The following DCTN2 variants were observed in gnomAD, a reference collection of about 807,000 sequenced individuals.
DCTN2 encodes the protein 50 kDa dynein-associated polypeptide.
A neutral mutation model predicts 55.4 loss-of-function variants in DCTN2; 18 were observed. That is an observed-to-expected ratio of 0.32 (90% confidence interval 0.22 to 0.48). The LOEUF is 0.48. DCTN2 is among the 20% of genes least tolerant of loss of function. The pLI, the probability that DCTN2 is intolerant of heterozygous loss-of-function variation, is 0.99. For missense variants in DCTN2, 390 were observed against 491.0 expected, an observed-to-expected ratio of 0.79 and a Z score of 1.94; for synonymous variants, 168 against 185.2, an observed-to-expected ratio of 0.91 and a Z score of 0.76.
Position 57,534,397 on chromosome 12 carries a change from T to C in DCTN2, c.419A>G (p.Lys140Arg), listed in dbSNP as rs1474531941. 6.2e-7 allele frequency: 1 copy of C among 1,612,610 alleles called. No individual in the cohort carries two copies. The highest frequency in any genetic ancestry group is 2.2e-5 in the East Asian group (1 of 44,826). The change falls in exon 6 of 14, where the codon AAA becomes AGA. Residue 140 changes from lysine to arginine, a missense_variant. Lys to Arg is a conservative substitution (Grantham distance 26, BLOSUM62 2). This residue lies in a region of DCTN2 where 117 missense variants were observed against 187.8 expected (regional missense o/e 0.62). Coordinates refer to ENST00000548249, the MANE Select transcript of DCTN2 (RefSeq NM_001261413.2). Reference sequence around the variant, plus strand: ...CTGCTGCTTCAGGGCTGCCAGCTGTTTAGCCAGCAACACAGGGGTCAGCTT... The same window carrying C: ...CTGCTGCTTCAGGGCTGCCAGCTGTCTAGCCAGCAACACAGGGGTCAGCTT... ...EEKLTPVLLA[K>R]QLAALKQQLV...
At chr12:57,534,219 C>T (rs1880021590) in intron 6 of DCTN2, 73 bp downstream of exon 6, 1 of 1,525,136 alleles carries the variant, frequency 6.6e-7, no homozygotes, top group Non-Finnish European at 8.8e-7. Flanking sequence ...CACTTAGCAC[C>T]CCTGTCAGTA....
At chr12:57,537,469 GA>G (rs1377528299) in intron 2 of DCTN2, among the ~76,000 whole-genome samples, 1 of 151,988 alleles carries the variant, frequency 6.6e-6, no homozygotes, top group Non-Finnish European at 1.5e-5. Flanking sequence ...CCAGGACTGA[GA>G]ATCTCTGCCT....
In DCTN2 at chr12:57,533,269, T is replaced by C. The variant is rs374990638; in HGVS notation, c.704A>G (p.Glu235Gly). Residue 235 changes from glutamate to glycine, a missense_variant, in exon 8 of 14, where the codon GAG becomes GGG. By Grantham distance (98) the Glu-to-Gly change is moderately conservative (BLOSUM62 -2). Transcript: ENST00000548249. ...AELEKRLTEL[E>G]TAVRCDQDAQ... is the part of the protein sequence containing the mutation. Reference sequence around the variant, plus strand: ...ATCCTGATCACAACGTACAGCTGTCTCCAGCTCTGTCAGGCGCTTTTCAAG... The same window carrying C: ...ATCCTGATCACAACGTACAGCTGTCCCCAGCTCTGTCAGGCGCTTTTCAAG... 50 of 1,613,860 alleles carry C rather than the reference T, an allele frequency of 3.1e-5. No homozygotes were observed. Among genetic ancestry groups the C allele is most frequent in the Non-Finnish European group, 4.2e-5 (49 of 1,179,888 alleles).
chr12:57,536,192 C>T (rs539258021), intron 2 of DCTN2: 68 of 261,416 alleles, frequency 2.6e-4, no homozygotes, highest in African/African-American at 1.4e-3. Flanking sequence ...AACCTGACCT[C>T]TTTTAACCTC....
At chr12:57,542,739 A>C (rs1880797392) in intron 2 of DCTN2, 1 of 451,338 alleles carries the variant, frequency 2.2e-6, no homozygotes. Flanking sequence ...GAATCGCTTG[A>C]ACCGGGGAGG....
At chr12:57,545,357 T>C (rs1047412668) in intron 2 of DCTN2, among the ~76,000 whole-genome samples, 13 of 152,266 alleles carry the variant, frequency 8.5e-5, no homozygotes, top group East Asian at 5.8e-4. Flanking sequence ...CTGGGGCTCA[T>C]TGGGGGCAGA....
At position 57,546,065 on chromosome 12, in the gene DCTN2, C is replaced by T. The variant is rs1461806914; in HGVS notation, c.68G>A (p.Ser23Asn). 3 of 1,613,914 alleles carry T rather than the reference C, an allele frequency of 1.9e-6. No individual in the cohort carries two copies. In the Admixed American group the frequency reaches 5.0e-5, roughly 27 times the overall value. Residue 23 changes from serine to asparagine, a missense_variant, in exon 2 of 14, where the codon AGC becomes AAC. Physicochemically the swap from Ser to Asn is conservative, Grantham distance 46. Coordinates refer to ENST00000548249, the MANE Select transcript of DCTN2 (RefSeq NM_001261413.2). ...ARNEPDVYET[S>N]DLPEDDQAEF... ...CGCTTGATCATCCTCAGGTAGGTCG[C>T]TAGTTTCATAAACATCTGGCTCATT...
At chr12:57,531,180 T>C (rs1325892503) in intron 13 of DCTN2, among the ~76,000 whole-genome samples, 6 of 152,224 alleles carry the variant, frequency 3.9e-5, no homozygotes, top group Non-Finnish European at 8.8e-5. Context: ...TGCTGGTCTC[T>C]CGACTTTAAT....
chr12:57,531,229 T>C lies in DCTN2; in HGVS notation c.1120-454A>G, dbSNP rs532638446. 3.3e-5 allele frequency among the ~76,000 whole-genome samples: 5 copies of C among 152,250 alleles called. No individual in the cohort carries two copies. The East Asian group carries it at 7.7e-4, about 23-fold the overall frequency. ...CTGAGAACAGTGCCTCCAACAGAAA[T>C]TGGGACTTGCGGCCAGGTGCAGTGG... On this transcript the variant is annotated intron_variant, in intron 13 of 13. Transcript: ENST00000548249.
chr12:57,540,683 C>T (rs533954213), intron 2 of DCTN2, among the ~76,000 whole-genome samples: 2 of 152,294 alleles, frequency 1.3e-5, no homozygotes, highest in South Asian at 2.1e-4. Context: ...TACTTCAAAA[C>T]CATGATGACA....
At chr12:57,532,669 T>C (rs763008780) in intron 10 of DCTN2, 26 bp from the exon 11 acceptor site, 2 of 1,613,802 alleles carry the variant, frequency 1.2e-6, no homozygotes, top group African/African-American at 1.3e-5. Context: ...TTAAGGTTGA[T>C]AGGGCATCCA....
At chr12:57,533,795 CAT>C in intron 7 of DCTN2, among the ~76,000 whole-genome samples, 156 bp downstream of exon 7, 1 of 150,162 alleles carries the variant, frequency 6.7e-6, no homozygotes, top group Non-Finnish European at 1.5e-5. Context: ...AAGAAAGAAA[CAT>C]AGAGAACAAC....
At chr12:57,535,228 G>T in intron 4 of DCTN2, 74 bp from the exon 5 acceptor site, 1 of 1,257,934 alleles carries the variant, frequency 7.9e-7, no homozygotes, top group Non-Finnish European at 1.1e-6. Context: ...CACACCCTGG[G>T]CCTAAGTCAT....
At chr12:57,546,188 G>A in intron 1 of DCTN2, 92 bp from the exon 2 acceptor site, 1 of 1,256,604 alleles carries the variant, frequency 8.0e-7, no homozygotes, top group Non-Finnish European at 1.2e-6. Context: ...AACAGAGAAG[G>A]CGGGGTGTGA....
chr12:57,535,778 T>G lies in DCTN2; in HGVS notation c.173A>C (p.Lys58Thr), dbSNP rs754227147. 1.9e-6 allele frequency: 3 copies of G among 1,614,004 alleles called. No homozygotes were observed. The South Asian group carries it at 3.3e-5, about 18-fold the overall frequency. ...VNPNAAYDKF[K>T]DKRVGTKGLD... Reference sequence around the variant, plus strand: ...TCCCTTTGTCCCCACTCTCTTGTCCTTGAACTTGTCATAGGCAGCATTAGG... The same window carrying G: ...TCCCTTTGTCCCCACTCTCTTGTCCGTGAACTTGTCATAGGCAGCATTAGG... The change falls in exon 3 of 14, where the codon AAG becomes ACG. Residue 58 changes from lysine (K) to threonine (T), a missense_variant. By Grantham distance (78) the Lys-to-Thr change is moderately conservative (BLOSUM62 -1). This residue lies in a region of DCTN2 where 117 missense variants were observed against 187.8 expected (regional missense o/e 0.62). Transcript: ENST00000548249.
chr12:57,533,494 G>A (rs903408520), intron 7 of DCTN2, among the ~76,000 whole-genome samples, 191 bp from the exon 8 acceptor site: 2 of 152,198 alleles, frequency 1.3e-5, no homozygotes, highest in African/African-American at 2.4e-5. Context: ...GAATGAGGTC[G>A]GGCGCGGTGG....
intron 2 of DCTN2, chr12:57,541,399 G>A (rs1288721742): frequency 6.3e-7 from 1 of 1,599,092 alleles, no homozygotes; most frequent in Admixed American, 1.7e-5. Context: ...GTGGTGAGGA[G>A]GGAGGATGGG....
intron 2 of DCTN2, chr12:57,542,747 A>T: frequency 2.2e-6 from 1 of 452,130 alleles, no homozygotes; most frequent in South Asian, 1.6e-5. Context: ...TGAACCGGGG[A>T]GGCAAAGGTT....
intron 2 of DCTN2, among the ~76,000 whole-genome samples, chr12:57,539,039 C>A (rs972880885): frequency 1.3e-5 from 2 of 152,304 alleles, no homozygotes; most frequent in African/African-American, 4.8e-5. Flanking sequence ...CTCTTAGTTT[C>A]TCTAGCTGTG....
Sources: allele counts gnomAD v4.1 joint callset (sites outside exome capture counted in the v4.1 genomes callset), GRCh38; gene constraint gnomAD v4.1.1; regional missense constraint gnomAD v4.1.1; transcripts MANE v1.5; gene names NCBI Gene and HGNC (gene_info 2026-07-23, HGNC 2026-07-21).